Variants in ZNF675 observed in about 807,000 individuals in gnomAD.
ZNF675 encodes the protein TRAF6 inhibitory zinc finger.
In ZNF675, 36 loss-of-function variants were observed where a neutral mutation model predicts 56.1. That is an observed-to-expected ratio of 0.64 (90% CI 0.49 to 0.85). The LOEUF (loss-of-function observed/expected upper bound fraction) is 0.85. Ranked by LOEUF, ZNF675 falls within the 40% of genes least tolerant of loss-of-function variation. The pLI, the probability that ZNF675 is intolerant of heterozygous loss-of-function variation, is 0.00. For synonymous variants in ZNF675, 200 were observed against 218.9 expected (o/e 0.91, Z 0.76); for missense variants, 663 against 654.2 (o/e 1.01, Z -0.15).
intron 1 of ZNF675, among the ~76,000 whole-genome samples, chr19:23,682,407 T>A (rs1010644655): frequency 6.6e-6 from 1 of 151,898 alleles, no homozygotes; most frequent in Non-Finnish European, 1.5e-5. Context: ...AATTAAAATT[T>A]TTTTTACATA....
In ZNF675 at chr19:23,654,022, T is replaced by C. The variant is rs1171965510; in HGVS notation, c.911A>G (p.Lys304Arg). The C allele has an allele frequency of 3.1e-6, 5 of 1,613,468 alleles. No homozygotes were observed. The highest frequency in any genetic ancestry group is 1.3e-5 in the African/African-American group (1 of 74,832). ...NQFSNLTTHK[K>R]IHTGEQPYIC... ...GTAGGGTTGCTCTCCAGTATGAATTTTTTTATGTGTAGTAAGATTTGAGAA... is the reference window on the plus strand; with the variant it reads ...GTAGGGTTGCTCTCCAGTATGAATTCTTTTATGTGTAGTAAGATTTGAGAA... Residue 304 changes from lysine to arginine, a missense_variant, in exon 4 of 4, where the codon AAA becomes AGA. Lys to Arg is a conservative substitution (Grantham distance 26). Around this residue, in one of 3 missense-constraint regions of ZNF675, gnomAD observed 617 missense variants for 590.5 expected, o/e 1.04. Coordinates refer to ENST00000359788, the MANE Select transcript of ZNF675 (RefSeq NM_138330.3).
intron 1 of ZNF675, among the ~76,000 whole-genome samples, chr19:23,679,223 TAA>T (rs1243145730): frequency 6.7e-6 from 1 of 149,268 alleles, no homozygotes; most frequent in Non-Finnish European, 1.5e-5. Flanking sequence ...ATAATCTTAT[TAA>T]AAATAATGCC....
chr19:23,663,196 G>A, intron 1 of ZNF675, 38 bp from the exon 2 acceptor site: 2 of 1,578,560 alleles, frequency 1.3e-6, no homozygotes, highest in Non-Finnish European at 1.7e-6. Flanking sequence ...TCACCAGGTA[G>A]CCAACAGAGA....
intron 1 of ZNF675, among the ~76,000 whole-genome samples, chr19:23,664,369 C>T (rs1336653145): frequency 6.6e-6 from 1 of 152,020 alleles, no homozygotes; most frequent in East Asian, 1.9e-4. Context: ...AAAAAGTCCA[C>T]CCATTTCTGT....
chr19:23,663,305 G>T (rs1870846698), intron 1 of ZNF675, 147 bp from the exon 2 acceptor site: 1 of 1,064,050 alleles, frequency 9.4e-7, no homozygotes, highest in Non-Finnish European at 1.3e-6. Context: ...TTTTTACACA[G>T]AAATATTTCC....
chr19:23,683,625 T>C (rs1968405909), intron 1 of ZNF675, among the ~76,000 whole-genome samples: 1 of 152,072 alleles, frequency 6.6e-6, no homozygotes, highest in African/African-American at 2.4e-5. Context: ...TTTCACCATA[T>C]TGACCAGACT....
In ZNF675 at chr19:23,653,263, A is replaced by AT. The variant is rs1247643730; in HGVS notation, c.1669dup (p.Ile557AsnfsTer56). On this transcript the variant is annotated frameshift_variant, in exon 4 of 4. Transcript: ENST00000359788. LOFTEE classifies it high-confidence loss of function. ...GTTCTGTAGTTTCTCTCCAGTATGT[A>AT]TTTTTTTATGTTTAGTAAGGTTTGC... 2.5e-6 allele frequency: 4 copies of AT among 1,610,096 alleles called. No individual in the cohort carries two copies. The highest frequency in any genetic ancestry group is 3.4e-6 in the Non-Finnish European group (4 of 1,178,356).
intron 1 of ZNF675, among the ~76,000 whole-genome samples, chr19:23,680,375 T>C (rs983284803): frequency 6.6e-6 from 1 of 151,780 alleles, no homozygotes; most frequent in Non-Finnish European, 1.5e-5. Flanking sequence ...ACCAAGATCA[T>C]TTCTTTTGCA....
chr19:23,661,754 G>GA (rs1968082153), intron 3 of ZNF675, among the ~76,000 whole-genome samples: 2 of 152,114 alleles, frequency 1.3e-5, no homozygotes, highest in South Asian at 4.2e-4. Context: ...AGACAAGATG[G>GA]AAAAAAAGAA....
At chr19:23,680,569 C>T (rs1184536812) in intron 1 of ZNF675, among the ~76,000 whole-genome samples, 1 of 151,356 alleles carries the variant, frequency 6.6e-6, no homozygotes, top group Non-Finnish European at 1.5e-5. Context: ...CCAGCCTGGC[C>T]AACATGGTGA....
intron 1 of ZNF675, among the ~76,000 whole-genome samples, chr19:23,683,744 C>T (rs1968407343): frequency 6.6e-6 from 1 of 152,100 alleles, no homozygotes; most frequent in African/African-American, 2.4e-5. Flanking sequence ...TAGTAGGATT[C>T]TAACAGCTAA....
At chr19:23,658,211 A>T (rs919110148) in intron 3 of ZNF675, among the ~76,000 whole-genome samples, 2 of 151,936 alleles carry the variant, frequency 1.3e-5, no homozygotes, top group Non-Finnish European at 2.9e-5. Context: ...ATGCAAAAAA[A>T]TTAGCCAGGT....
chr19:23,658,175 A>C (rs1294060035), intron 3 of ZNF675, among the ~76,000 whole-genome samples: 1 of 152,010 alleles, frequency 6.6e-6, no homozygotes, highest in Non-Finnish European at 1.5e-5. Context: ...ACTCGGCAAC[A>C]CGGTGAAACC....
intron 1 of ZNF675, among the ~76,000 whole-genome samples, chr19:23,675,176 T>C (rs1226876572): frequency 6.6e-6 from 1 of 151,708 alleles, no homozygotes; most frequent in Non-Finnish European, 1.5e-5. Flanking sequence ...AAAAAGGTGC[T>C]ATAAAAAATC....
At chr19:23,684,436 G>A (rs1358931628) in intron 1 of ZNF675, among the ~76,000 whole-genome samples, 1 of 151,838 alleles carries the variant, frequency 6.6e-6, no homozygotes, top group Non-Finnish European at 1.5e-5. Flanking sequence ...CCTGAGGTCG[G>A]GAGTTTGAGA....
At chr19:23,664,267 C>T (rs7255827) in intron 1 of ZNF675, among the ~76,000 whole-genome samples, 147,860 of 152,198 alleles carry the variant, frequency 0.97, 71,985 homozygotes, top group Middle Eastern at 1. Flanking sequence ...ACAAATTACA[C>T]CTGCATCTGG....
At chr19:23,669,273 C>T (rs1264864480) in intron 1 of ZNF675, among the ~76,000 whole-genome samples, 1 of 151,738 alleles carries the variant, frequency 6.6e-6, no homozygotes, top group Admixed American at 6.6e-5. Context: ...AGTCCCTTAT[C>T]CCTACATATG....
chr19:23,654,841 G>T, intron 3 of ZNF675, 135 bp from the exon 4 acceptor site: 1 of 577,978 alleles, frequency 1.7e-6, no homozygotes, highest in Non-Finnish European at 2.8e-6. Flanking sequence ...TGTTGCCCCA[G>T]GTGAGCACAA....
At chr19:23,668,467 C>T (rs375161123) in intron 1 of ZNF675, among the ~76,000 whole-genome samples, 1 of 141,156 alleles carries the variant, frequency 7.1e-6, no homozygotes, top group East Asian at 2.2e-4. Context: ...TGGCTTCACC[C>T]AGTGGATCCC....
Sources: gnomAD v4.1 joint callset for allele counts (sites outside exome capture counted in the v4.1 genomes callset) on GRCh38, gnomAD v4.1.1 for gene constraint, gnomAD v4.1.1 regional missense constraint, MANE v1.5 for transcripts, NCBI Gene and HGNC (gene_info 2026-07-23, HGNC 2026-07-21) for gene names.